The following TBCD variants were observed in gnomAD, a reference collection of about 807,000 sequenced individuals.
The protein encoded by TBCD is tubulin folding cofactor D.
Under a neutral mutation model 169.3 loss-of-function variants are expected in TBCD, and 105 were observed. The observed-to-expected ratio is 0.62, with a 90% CI of 0.53 to 0.73. The LOEUF is 0.73. Among genes scored for constraint, TBCD ranks in the 30% least tolerant of loss-of-function variants. TBCD has a pLI of 0.00. For synonymous variants in TBCD, 700 were observed against 643.9 expected, an observed-to-expected ratio of 1.09 and a Z score of -1.32; for missense variants, 1,444 against 1,600.1, an observed-to-expected ratio of 0.90 and a Z score of 1.66.
intron 38 of TBCD, chr17:82,942,107 T>A (rs572544327): frequency 2.3e-5 from 10 of 431,974 alleles, no homozygotes; most frequent in Non-Finnish European, 2.5e-5. Flanking sequence ...CCTCCCCCAT[T>A]TCTGTGTGTG....
At position 82,832,540 on chromosome 17, in the gene TBCD, A is replaced by C; in HGVS notation, c.1318+17606A>C. The C allele has an allele frequency of 1.6e-6, 2 of 1,217,306 alleles. No individual in the cohort carries two copies. Among genetic ancestry groups the C allele is most frequent in the African/African-American group, 1.5e-5 (1 of 67,324 alleles). The allele number at this position is 1,217,306 out of a possible 1,614,324, so 75.4% of individuals were successfully genotyped here. A position where few individuals can be genotyped will look rare whatever the true frequency, so the allele number is the denominator to read the frequency against. The stretch of plus-strand genomic sequence containing the variant: ...TGCACTTCGTGGTTTCTAAAGAGGC[A>C]CCTCCCGCTTTGCTTTCTTTCCCGA... On this transcript the variant is annotated intron_variant, in intron 13 of 38. Transcript: ENST00000355528. The surrounding 1 kb of genome is among the most constrained non-coding windows in gnomAD (Gnocchi z 4.9).
At chr17:82,769,979 T>C (rs1292827699) in intron 5 of TBCD, among the ~76,000 whole-genome samples, 1 of 152,180 alleles carries the variant, frequency 6.6e-6, no homozygotes, top group East Asian at 1.9e-4. Context: ...TTCATGAGGC[T>C]GTTGACAATT....
At chr17:82,784,660 G>T (rs2049174638) in intron 7 of TBCD, among the ~76,000 whole-genome samples, 1 of 152,184 alleles carries the variant, frequency 6.6e-6, no homozygotes, top group Non-Finnish European at 1.5e-5. Context: ...CAGTGGCCAG[G>T]GTGGGGGTCC....
intron 14 of TBCD, among the ~76,000 whole-genome samples, chr17:82,881,713 T>G (rs1373826982): frequency 6.6e-6 from 1 of 152,212 alleles, no homozygotes; most frequent in Non-Finnish European, 1.5e-5. Context: ...GGGTGGAAAA[T>G]GCACCTGGTG....
At chr17:82,758,520 G>A (rs1224800391) in intron 2 of TBCD, among the ~76,000 whole-genome samples, 1 of 150,560 alleles carries the variant, frequency 6.6e-6, no homozygotes, top group Non-Finnish European at 1.5e-5. Context: ...AAAGTGCTGG[G>A]ATTTCAGGTG....
intron 6 of TBCD, among the ~76,000 whole-genome samples, chr17:82,773,573 G>A (rs906672414): frequency 4.6e-5 from 7 of 152,132 alleles, no homozygotes; most frequent in South Asian, 2.1e-4. Flanking sequence ...CGCCAACTCT[G>A]TCCATGGTCT....
intron 7 of TBCD, among the ~76,000 whole-genome samples, chr17:82,790,522 G>A (rs1598506669): frequency 1.3e-5 from 2 of 152,102 alleles, no homozygotes; most frequent in Non-Finnish European, 2.9e-5. Flanking sequence ...TTGGCTCGCC[G>A]GCCTCCATGG....
At chr17:82,756,330 C>A in intron 2 of TBCD, 115 bp downstream of exon 2, 1 of 1,107,226 alleles carries the variant, frequency 9.0e-7, no homozygotes, top group South Asian at 1.3e-5. Context: ...AAGAAGTGTC[C>A]CTGTCTTGCT....
chr17:82,758,401 A>T lies in TBCD; in HGVS notation c.235+2186A>T, dbSNP rs1409409918. Among the ~76,000 whole-genome samples, 14 of 82,388 alleles carry T rather than the reference A, an allele frequency of 1.7e-4. 1 individual carries two copies. Among genetic ancestry groups the T allele is most frequent in the African/African-American group, 6.2e-4 (14 of 22,606 alleles). The allele number at this position is 82,388 out of a possible 152,430, so 54.0% of individuals were successfully genotyped here. ...ACGTCTCGGAAAAAAAAAAAAAAAA[A>T]AATAAATAAATAAATAAATTTTTTT... On this transcript the variant is annotated intron_variant, in intron 2 of 38. Coordinates refer to ENST00000355528, the MANE Select transcript of TBCD (RefSeq NM_005993.5).
chr17:82,939,166 T>A (rs2062907567), intron 36 of TBCD: 1 of 609,308 alleles, frequency 1.6e-6, no homozygotes, highest in Non-Finnish European at 2.9e-6. Flanking sequence ...GCTGTGTGTC[T>A]GTGGAGGGAG....
At position 82,833,323 on chromosome 17, in the gene TBCD, G is replaced by T. The variant is rs114127721; in HGVS notation, c.1318+18389G>T. On this transcript the variant is annotated intron_variant, in intron 13 of 38. Transcript: ENST00000355528. This position sits in a 1 kb window ranked among gnomAD's most constrained non-coding sequence, Gnocchi z 4.7. The stretch of plus-strand genomic sequence containing the variant: ...GGATGCTGCTGCCTCCCCTGGGGCC[G>T]ATCCCTAAGCACTCGTGGCAGTTTC... Among the ~76,000 whole-genome samples the T allele has an allele frequency of 2.0e-5, 3 of 152,182 alleles. No homozygotes were observed. Among genetic ancestry groups the T allele is most frequent in the East Asian group, 1.9e-4 (1 of 5,170 alleles).
rs2053358389 is a variant in TBCD, at chr17:82,830,253, T to C, written c.1318+15319T>C. On this transcript the variant is annotated intron_variant, in intron 13 of 38. Transcript: ENST00000355528. ...CAGCATCCCTTAGACTTGTCCTCTT[T>C]TGTCCTTTGGGTCTGAGGTCACACT... is the stretch of plus-strand genomic sequence containing the variant. The C allele has an allele frequency of 5.6e-6, 9 of 1,614,242 alleles. No homozygotes were observed. The East Asian group carries it at 2.0e-4, about 36-fold the overall frequency.
intron 13 of TBCD, among the ~76,000 whole-genome samples, chr17:82,816,870 A>G (rs1201632999): frequency 7.1e-6 from 1 of 140,810 alleles, no homozygotes; most frequent in African/African-American, 2.6e-5. Context: ...AAAAAAAAAA[A>G]GCCGTCCTAG....
intron 14 of TBCD, among the ~76,000 whole-genome samples, chr17:82,883,662 T>C (rs1258228917): frequency 6.6e-6 from 1 of 152,240 alleles, no homozygotes; most frequent in Non-Finnish European, 1.5e-5. Context: ...GGTTAGGCTC[T>C]GTGCATGGCG....
chr17:82,902,991 C>T (rs767307005), intron 18 of TBCD, among the ~76,000 whole-genome samples: 3 of 152,164 alleles, frequency 2.0e-5, no homozygotes, highest in Non-Finnish European at 4.4e-5. Context: ...TCTGATGAGG[C>T]AGTTATTGGA....
chr17:82,762,315 C>CA (rs35386796), intron 2 of TBCD, among the ~76,000 whole-genome samples: 52,183 of 91,362 alleles, frequency 0.57, 13,898 homozygotes, highest in South Asian at 0.67. Context: ...GACTCCGTCT[C>CA]AAAAAAAAAA....
chr17:82,929,121 G>A lies in TBCD; in HGVS notation c.2702G>A (p.Arg901His), dbSNP rs1312399549. Residue 901 changes from arginine (R) to histidine (H), a missense_variant, in exon 31 of 39, where the codon CGC becomes CAC. Coordinates refer to ENST00000355528, the MANE Select transcript of TBCD (RefSeq NM_005993.5). ...CTGCTCTCGGTTTGCAGCTGTGAGCGCATCATGTGCTGTGTGGCCCAGCAG... is the reference window on the plus strand; with the variant it reads ...CTGCTCTCGGTTTGCAGCTGTGAGCACATCATGTGCTGTGTGGCCCAGCAG... The part of the protein sequence containing the change: ...PELIEAHTCE[R>H]IMCCVAQQAS... 2 of 1,610,264 alleles carry A rather than the reference G, an allele frequency of 1.2e-6. No homozygotes were observed. The highest frequency in any genetic ancestry group is 1.1e-5 in the South Asian group (1 of 91,044).
At chr17:82,938,020 C>T (rs764853874) in intron 35 of TBCD, 29 bp from the exon 36 acceptor site, 10 of 1,611,660 alleles carry the variant, frequency 6.2e-6, no homozygotes, top group East Asian at 2.2e-5. Flanking sequence ...GGGTGGGGCT[C>T]ACCTGGAGCC....
At chr17:82,852,269 C>T (rs75679198) in intron 13 of TBCD, among the ~76,000 whole-genome samples, 9 of 152,072 alleles carry the variant, frequency 5.9e-5, no homozygotes, top group Admixed American at 2.0e-4. Context: ...TTGCCCCGAG[C>T]GTGGCGTTGG....
Sources: gnomAD v4.1 joint callset for allele counts (sites outside exome capture counted in the v4.1 genomes callset) on GRCh38, gnomAD v4.1.1 for gene constraint, Gnocchi (gnomAD v3.1) non-coding constraint, MANE v1.5 for transcripts, NCBI Gene and HGNC (gene_info 2026-07-23, HGNC 2026-07-21) for gene names.